UNC5A: variants seen among roughly 807,000 people sequenced by gnomAD.
UNC5A encodes unc-5 netrin receptor A.
UNC5A carries 20 observed loss-of-function variants against 87.4 expected under a neutral mutation model. The ratio of observed to expected loss-of-function variants is 0.23; its 90% CI spans 0.16 to 0.33. UNC5A has a LOEUF of 0.33. Among genes scored for constraint, UNC5A ranks in the 10% least tolerant of loss-of-function variants. The pLI is 1.00. For synonymous variants in UNC5A, 438 were observed against 482.3 expected (o/e 0.91, Z 1.20); for missense variants, 844 against 1,133.4 (o/e 0.74, Z 3.67).
At chr5:176,851,592 A>G (rs1757544116) in intron 1 of UNC5A, among the ~76,000 whole-genome samples, 1 of 152,216 alleles carries the variant, frequency 6.6e-6, no homozygotes, top group Admixed American at 6.5e-5. Flanking sequence ...CGCCGGGGCC[A>G]CACCTGGGCT....
intron 10 of UNC5A, 61 bp downstream of exon 10, chr5:176,877,764 G>A (rs1416697747): frequency 1.8e-5 from 28 of 1,529,224 alleles, no homozygotes; most frequent in African/African-American, 1.1e-4. Context: ...CGCTCCACCC[G>A]GCCTTCCACC....
chr5:176,862,695 G>C lies in UNC5A; in HGVS notation c.142G>C (p.Val48Leu). Residue 48 changes from valine to leucine, a missense_variant, in exon 2 of 15, where the codon GTG becomes CTG. Physicochemically the swap from Val to Leu is conservative, Grantham distance 32. Transcript: ENST00000329542. ...ANPDLLPHFL[V>L]EPEDVYIVKN... ...CCCGGACCTGCTTCCCCACTTCCTG[G>C]TGGAGCCCGAGGATGTGTACATCGT... 1 of 1,613,584 alleles carries C rather than the reference G, an allele frequency of 6.2e-7. No individual in the cohort carries two copies. The highest frequency in any genetic ancestry group is 8.5e-7 in the Non-Finnish European group (1 of 1,179,992).
chr5:176,812,551 GAT>G (rs1561634599), intron 1 of UNC5A, among the ~76,000 whole-genome samples: 1 of 152,194 alleles, frequency 6.6e-6, no homozygotes, highest in Non-Finnish European at 1.5e-5. Flanking sequence ...AGCGTGTACA[GAT>G]AAGGGGGCAC....
At chr5:176,831,068 T>C (rs1257861435) in intron 1 of UNC5A, among the ~76,000 whole-genome samples, 1 of 152,052 alleles carries the variant, frequency 6.6e-6, no homozygotes, top group Non-Finnish European at 1.5e-5. Flanking sequence ...TTCCTCATCC[T>C]TCTGTTGCCC....
chr5:176,811,600 C>T (rs914988313), intron 1 of UNC5A, among the ~76,000 whole-genome samples: 1 of 47,606 alleles, frequency 2.1e-5, no homozygotes, highest in Non-Finnish European at 5.9e-5. Context: ...ACCTCATTCC[C>T]TTGGGAGGGG....
At chr5:176,877,009 C>A (rs1002725104) in intron 8 of UNC5A, among the ~76,000 whole-genome samples, 183 bp from the exon 9 acceptor site, 2 of 152,336 alleles carry the variant, frequency 1.3e-5, no homozygotes, top group Non-Finnish European at 1.5e-5. Flanking sequence ...TCATGGGGTG[C>A]CCCTGACTCA....
chr5:176,870,443 G>T lies in UNC5A; in HGVS notation c.795G>T (p.Glu265Asp). 1 of 1,612,234 alleles carries T rather than the reference G, an allele frequency of 6.2e-7. No homozygotes were observed. Among genetic ancestry groups the T allele is most frequent in the Non-Finnish European group, 8.5e-7 (1 of 1,179,496 alleles). The change falls in exon 6 of 15, where the codon GAG becomes GAT. Residue 265 changes from glutamate to aspartate, a missense_variant. Glu to Asp is a conservative substitution (Grantham distance 45). Transcript: ENST00000329542. ...ACTGCACCCACTGGCGGAGCCGTGA[G>T]TGCTCTGACCCAGCACCCCGCAACG... ...GLDCTHWRSR[E>D]CSDPAPRNGG...
At chr5:176,812,871 T>C (rs968069922) in intron 1 of UNC5A, among the ~76,000 whole-genome samples, 2 of 152,102 alleles carry the variant, frequency 1.3e-5, no homozygotes, top group Non-Finnish European at 2.9e-5. Context: ...ACTGGGCACA[T>C]GTGGACGCCC....
Position 176,824,851 on chromosome 5 carries a change from G to C in UNC5A, c.70+14031G>C, listed in dbSNP as rs554251729. 7.0e-6 allele frequency among the ~76,000 whole-genome samples: 1 copy of C among 143,080 alleles called. No homozygotes were observed. Among genetic ancestry groups the C allele is most frequent in the Non-Finnish European group, 1.5e-5 (1 of 66,200 alleles). 93.9% of individuals were successfully genotyped at this position (143,080 alleles called of 152,430 possible). A position where few individuals can be genotyped will look rare whatever the true frequency, so the allele number is the denominator to read the frequency against. On this transcript the variant is annotated intron_variant, in intron 1 of 14. Transcript: ENST00000329542. This position sits in a 1 kb window ranked among gnomAD's most constrained non-coding sequence, Gnocchi z 4.2. ...CTGTCCCAGGCACTCTCACCACTCC[G>C]TATCCCCCACCCCATGCACCCCCAG... is the stretch of plus-strand genomic sequence containing the variant.
intron 1 of UNC5A, among the ~76,000 whole-genome samples, chr5:176,832,885 G>A (rs140442405): frequency 1.6e-4 from 24 of 152,324 alleles, no homozygotes; most frequent in African/African-American, 4.8e-4. Flanking sequence ...GAGGACTGAC[G>A]AGGCCATGAC....
chr5:176,854,646 C>T (rs538010494), intron 1 of UNC5A, among the ~76,000 whole-genome samples: 1 of 152,354 alleles, frequency 6.6e-6, no homozygotes, highest in South Asian at 2.1e-4. Flanking sequence ...AGAGCTGGCT[C>T]CCAGCCAGAT....
At chr5:176,811,490 G>A (rs934196826) in intron 1 of UNC5A, among the ~76,000 whole-genome samples, 4 of 152,228 alleles carry the variant, frequency 2.6e-5, no homozygotes, top group African/African-American at 4.8e-5. Flanking sequence ...TGTGTGGTTG[G>A]TCCGCCAGTT....
rs1757269251 is a variant in UNC5A at position 176,841,242 on chromosome 5, G to A, written c.71-21382G>A. Among the ~76,000 whole-genome samples the A allele has an allele frequency of 6.6e-6, 1 of 152,230 alleles. No individual in the cohort carries two copies. Among genetic ancestry groups the A allele is most frequent in the South Asian group, 2.1e-4 (1 of 4,836 alleles). On this transcript the variant is annotated intron_variant, in intron 1 of 14. Transcript: ENST00000329542. The surrounding 1 kb of genome is among the most constrained non-coding windows in gnomAD (Gnocchi z 4.1). ...CCTTTGAGCCACAGAGCTGCTCAGT[G>A]ACACAGGTGATTGTGGGTGCCGTTT...
chr5:176,847,319 G>A (rs888195285), intron 1 of UNC5A, among the ~76,000 whole-genome samples: 4 of 152,182 alleles, frequency 2.6e-5, no homozygotes, highest in African/African-American at 4.8e-5. Context: ...AGCCGGGCTT[G>A]GCGTTGTGCA....
intron 1 of UNC5A, among the ~76,000 whole-genome samples, chr5:176,814,656 C>G (rs1186342809): frequency 6.6e-6 from 1 of 152,192 alleles, no homozygotes; most frequent in Non-Finnish European, 1.5e-5. Flanking sequence ...GTATTGAGTC[C>G]TCAGCCCTGG....
chr5:176,879,442 C>A lies in UNC5A; in HGVS notation c.2317C>A (p.Arg773=), dbSNP rs148900887. ...TTCCAGCCTGGACCCACCCTGTAGG[C>A]GGGGTGCCGACTGGCGGACTCTGGC... The part of the protein sequence containing the change: ...IISSLDPPCR[R]GADWRTLAQK... The change falls in exon 14 of 15, where the codon CGG becomes AGG. Residue 773 remains arginine, a synonymous_variant. Transcript: ENST00000329542. 2 of 1,611,148 alleles carry A rather than the reference C, an allele frequency of 1.2e-6. No individual in the cohort carries two copies. The highest frequency in any genetic ancestry group is 1.1e-5 in the South Asian group (1 of 91,018).
chr5:176,868,324 C>T lies in UNC5A; in HGVS notation c.436+51C>T, dbSNP rs368865182. On this transcript the variant is annotated intron_variant, in intron 3 of 14. Coordinates refer to ENST00000329542, the MANE Select transcript of UNC5A (RefSeq NM_133369.3). ...GAGGGCGCACGGCGGGAGGGTGTCA[C>T]CAGGAGAGGGGACAGTAGGCTTCCT... The T allele has an allele frequency of 7.5e-6, 12 of 1,607,340 alleles. No individual in the cohort carries two copies. The African/African-American group carries it at 1.5e-4, about 20-fold the overall frequency.
At chr5:176,831,553 C>A (rs986829347) in intron 1 of UNC5A, among the ~76,000 whole-genome samples, 1 of 152,230 alleles carries the variant, frequency 6.6e-6, no homozygotes. Flanking sequence ...GGGGCCTAGC[C>A]GTGGGCTGGG....
rs148406866 is a variant in UNC5A at position 176,812,544 on chromosome 5, G to A, written c.70+1724G>A. 1.6e-4 allele frequency among the ~76,000 whole-genome samples: 25 copies of A among 152,312 alleles called. No individual in the cohort carries two copies. In the East Asian group the frequency reaches 3.3e-3, roughly 20 times the overall value. ...GCTGTGTGCAGTTGCACAGGTGAGC[G>A]TGTACAGATAAGGGGGCACAGGTAC... On this transcript the variant is annotated intron_variant, in intron 1 of 14. Coordinates refer to ENST00000329542, the MANE Select transcript of UNC5A (RefSeq NM_133369.3).
Sources: gnomAD v4.1 joint callset for allele counts (sites outside exome capture counted in the v4.1 genomes callset) on GRCh38, gnomAD v4.1.1 for gene constraint, Gnocchi (gnomAD v3.1) non-coding constraint, MANE v1.5 for transcripts, NCBI Gene and HGNC (gene_info 2026-07-23, HGNC 2026-07-21) for gene names.